TATDN2: variants seen among roughly 807,000 people sequenced by gnomAD.
TATDN2 encodes TatD DNase domain containing 2, also known as 3'-5' RNA nuclease TATDN2.
TATDN2 carries 44 observed loss-of-function variants against 60.3 expected under a neutral mutation model. That is an observed-to-expected ratio of 0.73 (90% CI 0.57 to 0.94). The LOEUF is 0.94. TATDN2 is among the 40% of genes least tolerant of loss of function. TATDN2 has a pLI of 0.00. For synonymous variants in TATDN2, 399 were observed against 355.8 expected (o/e 1.12, Z -1.37); for missense variants, 997 against 948.0 (o/e 1.05, Z -0.68).
Position 10,260,202 on chromosome 3 carries a change from G to T in TATDN2, c.480G>T (p.Gln160His). 1 of 1,614,142 alleles carries T rather than the reference G, an allele frequency of 6.2e-7. No individual in the cohort carries two copies. The highest frequency in any genetic ancestry group is 1.1e-5 in the South Asian group (1 of 91,080). Residue 160 changes from glutamine (Q) to histidine (H), a missense_variant, in exon 3 of 8, where the codon CAG becomes CAT. Coordinates refer to ENST00000448281, the MANE Select transcript of TATDN2 (RefSeq NM_014760.4). Reference protein sequence around the residue: ...NSEFAAEAEGQNDTIEEPNKV... With the variant: ...NSEFAAEAEGHNDTIEEPNKV... ...AATTTGCAGCTGAAGCTGAGGGTCA[G>T]AATGATACAATTGAGGAACCCAACA...
chr3:10,265,368 C>T (rs1327480661), intron 3 of TATDN2, among the ~76,000 whole-genome samples: 2 of 128,122 alleles, frequency 1.6e-5, no homozygotes, highest in South Asian at 2.7e-4. Flanking sequence ...TGAGCTACCA[C>T]GCCCGGCCAG....
chr3:10,269,307 T>C (rs1401151004), intron 3 of TATDN2, among the ~76,000 whole-genome samples: 1 of 152,228 alleles, frequency 6.6e-6, no homozygotes, highest in Non-Finnish European at 1.5e-5. Context: ...TTCTGTTGCA[T>C]TCTTTTGGCT....
intron 3 of TATDN2, among the ~76,000 whole-genome samples, chr3:10,265,681 CAAAAAAAAA>C (rs60093055): frequency 6.4e-5 from 4 of 62,706 alleles, no homozygotes; most frequent in Non-Finnish European, 6.4e-5. Flanking sequence ...GACTCCGTCT[CAAAAAAAAA>C]AAAAAAAAAA....
chr3:10,258,633 T>C (rs1698351364), intron 2 of TATDN2, among the ~76,000 whole-genome samples: 1 of 151,974 alleles, frequency 6.6e-6, no homozygotes, highest in Non-Finnish European at 1.5e-5. Flanking sequence ...CATGCCTGGC[T>C]TAAGTTTTGT....
At chr3:10,251,964 C>T (rs1388946304) in intron 2 of TATDN2, among the ~76,000 whole-genome samples, 7 of 150,756 alleles carry the variant, frequency 4.6e-5, no homozygotes, top group South Asian at 2.1e-4. Flanking sequence ...CTGGCTAACA[C>T]GGTGAAACCC....
chr3:10,277,180 C>G (rs1199169354), intron 5 of TATDN2, among the ~76,000 whole-genome samples: 1 of 152,154 alleles, frequency 6.6e-6, no homozygotes, highest in African/African-American at 2.4e-5. Flanking sequence ...TTTCTTTCCT[C>G]TTTTGAACTT....
chr3:10,260,064 A>G lies in TATDN2; in HGVS notation c.415-73A>G, dbSNP rs1398026484. 6 of 1,506,172 alleles carry G rather than the reference A, an allele frequency of 4.0e-6. No individual in the cohort carries two copies. In the African/African-American group the frequency reaches 7.0e-5, roughly 18 times the overall value. 93.3% of individuals were successfully genotyped at this position (1,506,172 alleles called of 1,614,324 possible). A position where few individuals can be genotyped will look rare whatever the true frequency, so the allele number is the denominator to read the frequency against. Reference sequence around the variant, plus strand: ...TGACTGGTAGAACCACCACTGATTTATAATTTGCCAAATGCTTCATGTACG... The same window carrying G: ...TGACTGGTAGAACCACCACTGATTTGTAATTTGCCAAATGCTTCATGTACG... On this transcript the variant is annotated intron_variant, in intron 2 of 7. Coordinates refer to ENST00000448281, the MANE Select transcript of TATDN2 (RefSeq NM_014760.4).
intron 2 of TATDN2, among the ~76,000 whole-genome samples, chr3:10,256,062 C>G (rs1335245616): frequency 1.3e-5 from 2 of 152,196 alleles, no homozygotes; most frequent in African/African-American, 2.4e-5. Context: ...AGTTATCACT[C>G]TCTAACATAC....
intron 2 of TATDN2, among the ~76,000 whole-genome samples, chr3:10,254,756 T>C (rs941461283): frequency 6.6e-6 from 1 of 152,262 alleles, no homozygotes; most frequent in Non-Finnish European, 1.5e-5. Context: ...CACTTATCTT[T>C]CCTTCTTTCC....
intron 3 of TATDN2, 27 bp downstream of exon 3, chr3:10,260,697 G>A (rs778071175): frequency 3.1e-6 from 5 of 1,592,188 alleles, no homozygotes; most frequent in Middle Eastern, 1.7e-4. Flanking sequence ...CCAGGCATCT[G>A]ACTTTTTAGT....
Position 10,249,547 on chromosome 3 carries a change from C to G in TATDN2, c.347C>G (p.Pro116Arg). Residue 116 changes from proline (P) to arginine (R), a missense_variant, in exon 2 of 8, where the codon CCT becomes CGT. Pro to Arg is a moderately radical substitution (Grantham distance 103, BLOSUM62 -2). Transcript: ENST00000448281. The part of the protein sequence containing the change: ...TRGFLSSGGS[P>R]LRPANASLEE... ...GGGTTCCTGTCTTCAGGGGGATCCC[C>G]TCTGCGTCCTGCCAACGCCTCTTTG... The G allele has an allele frequency of 6.4e-7, 1 of 1,572,470 alleles. No homozygotes were observed. The highest frequency in any genetic ancestry group is 1.4e-5 in the African/African-American group (1 of 73,334).
intron 4 of TATDN2, among the ~76,000 whole-genome samples, chr3:10,273,922 T>C (rs889941796): frequency 1.3e-5 from 2 of 152,176 alleles, no homozygotes; most frequent in African/African-American, 4.8e-5. Flanking sequence ...TAGACTGTCC[T>C]TCCCTACCCA....
At chr3:10,263,707 G>T (rs1356977714) in intron 3 of TATDN2, among the ~76,000 whole-genome samples, 2 of 152,200 alleles carry the variant, frequency 1.3e-5, no homozygotes, top group African/African-American at 4.8e-5. Flanking sequence ...TTTTCTTTAA[G>T]TTGCTTCTTT....
chr3:10,278,326 A>G lies in TATDN2; in HGVS notation c.2009A>G (p.Tyr670Cys). 6.2e-7 allele frequency: 1 copy of G among 1,614,076 alleles called. No individual in the cohort carries two copies. The highest frequency in any genetic ancestry group is 8.5e-7 in the Non-Finnish European group (1 of 1,180,002). The change falls in exon 6 of 8, where the codon TAC (tyrosine) becomes TGC (cysteine). Residue 670 changes from tyrosine (Y) to cysteine (C), a missense_variant. Physicochemically the swap from Tyr to Cys is radical, Grantham distance 194. Transcript: ENST00000448281. The surrounding 1 kb of genome is among the most constrained non-coding windows in gnomAD (Gnocchi z 4.7). Reference sequence around the variant, plus strand: ...CCGGTCATTGAGCCCCTGCTGAAGTACTTTCCCAACATGTCTGTGGGCTTC... The same window carrying G: ...CCGGTCATTGAGCCCCTGCTGAAGTGCTTTCCCAACATGTCTGTGGGCTTC... ...SYPVIEPLLK[Y>C]FPNMSVGFTA...
intron 3 of TATDN2, among the ~76,000 whole-genome samples, chr3:10,266,445 G>C (rs1327278498): frequency 6.6e-6 from 1 of 152,212 alleles, no homozygotes; most frequent in Non-Finnish European, 1.5e-5. Flanking sequence ...GTGAGCATGT[G>C]AGTGTTGGGA....
intron 3 of TATDN2, among the ~76,000 whole-genome samples, chr3:10,261,548 T>G (rs1180061846): frequency 6.6e-6 from 1 of 152,116 alleles, no homozygotes; most frequent in Non-Finnish European, 1.5e-5. Flanking sequence ...TTTTGTATTT[T>G]TAGTAGATAT....
Position 10,266,635 on chromosome 3 carries a change from C to T in TATDN2, c.949-3496C>T, listed in dbSNP as rs112347846. Among the ~76,000 whole-genome samples, 169 of 152,326 alleles carry T rather than the reference C, an allele frequency of 1.1e-3. 3 individuals are homozygous for T. Among genetic ancestry groups the T allele is most frequent in the African/African-American group, 3.8e-3 (157 of 41,574 alleles). Reference sequence around the variant, plus strand: ...TTTGGGTTTACAGCCTCTGTTGCAGCTTTTCAACTCTGCATGAAAATGGCC... The same window carrying T: ...TTTGGGTTTACAGCCTCTGTTGCAGTTTTTCAACTCTGCATGAAAATGGCC... On this transcript the variant is annotated intron_variant, in intron 3 of 7. Transcript: ENST00000448281.
Position 10,278,544 on chromosome 3 carries a change from G to A in TATDN2, c.2145+82G>A. ...TGGTCACCCTTACAAGGTTGGCAGG[G>A]CCAGAGCCCCAGTGACTTCCAGGTC... On this transcript the variant is annotated intron_variant, in intron 6 of 7. Transcript: ENST00000448281. This position sits in a 1 kb window ranked among gnomAD's most constrained non-coding sequence, Gnocchi z 4.7. 1.3e-6 allele frequency: 2 copies of A among 1,571,210 alleles called. No homozygotes were observed. The highest frequency in any genetic ancestry group is 1.7e-6 in the Non-Finnish European group (2 of 1,146,340).
chr3:10,249,742 GA>G (rs1451231935), intron 2 of TATDN2, 128 bp downstream of exon 2: 83 of 1,131,088 alleles, frequency 7.3e-5, no homozygotes, highest in Non-Finnish European at 9.0e-5. Flanking sequence ...GGTCTTTCTA[GA>G]AGTCCACTCC....
Sources: allele counts gnomAD v4.1 joint callset (sites outside exome capture counted in the v4.1 genomes callset), GRCh38; gene constraint gnomAD v4.1.1; non-coding constraint Gnocchi (gnomAD v3.1); transcripts MANE v1.5; gene names NCBI Gene and HGNC (gene_info 2026-07-23, HGNC 2026-07-21).